Variants in CNTNAP2 observed in about 807,000 individuals in gnomAD.
CNTNAP2 encodes contactin associated protein 2, also known as contactin-associated protein-like 2.
CNTNAP2 carries 98 observed loss-of-function variants against 155.2 expected under a neutral mutation model. The observed-to-expected ratio is 0.63, with a 90% CI of 0.54 to 0.75. The LOEUF is 0.75. CNTNAP2 is among the 30% of genes least tolerant of loss of function. CNTNAP2 has a pLI of 0.00. For synonymous variants in CNTNAP2, 651 were observed against 631.2 expected (o/e 1.03, Z -0.47); for missense variants, 1,727 against 1,688.1 (o/e 1.02, Z -0.40).
intron 13 of CNTNAP2, among the ~76,000 whole-genome samples, chr7:147,865,155 A>G (rs13231176): frequency 0.58 from 88,107 of 151,932 alleles, 25,828 homozygotes; most frequent in South Asian, 0.69. Flanking sequence ...GAATTTTGTC[A>G]AAGGCCTTTT....
chr7:146,769,926 G>A (rs533223300), intron 1 of CNTNAP2, among the ~76,000 whole-genome samples: 8 of 152,190 alleles, frequency 5.3e-5, no homozygotes, highest in Middle Eastern at 3.4e-3. Flanking sequence ...TCTAACTCTT[G>A]GTGGTTAACA....
rs1222896779 is a variant in CNTNAP2 at position 147,498,561 on chromosome 7, T to C, written c.1777+12520T>C. Among the ~76,000 whole-genome samples the C allele has an allele frequency of 2.6e-5, 4 of 152,218 alleles. 1 individual carries two copies. In the South Asian group the frequency reaches 8.3e-4, roughly 31 times the overall value. ...TACAGAATGATGCATAGGGCAAAAA[T>C]AGTATAGAGGAGAAATTTATTGAGA... On this transcript the variant is annotated intron_variant, in intron 11 of 23. Coordinates refer to ENST00000361727, the MANE Select transcript of CNTNAP2 (RefSeq NM_014141.6).
intron 17 of CNTNAP2, among the ~76,000 whole-genome samples, chr7:148,158,512 A>G (rs1407497499): frequency 6.6e-6 from 1 of 152,134 alleles, no homozygotes; most frequent in Non-Finnish European, 1.5e-5. Flanking sequence ...TGAGCCACCA[A>G]GCCTGGACAA....
intron 13 of CNTNAP2, among the ~76,000 whole-genome samples, chr7:147,698,529 C>G (rs572713158): frequency 1.3e-5 from 2 of 152,304 alleles, no homozygotes; most frequent in South Asian, 4.1e-4. Flanking sequence ...TTAAGCTTTT[C>G]ATTTCACTGC....
intron 8 of CNTNAP2, among the ~76,000 whole-genome samples, chr7:147,231,701 C>A (rs189044537): frequency 2.0e-5 from 3 of 152,284 alleles, no homozygotes; most frequent in Admixed American, 2.0e-4. Context: ...AGCATCTCTT[C>A]ATATACCTGT....
At chr7:147,767,112 A>T (rs1797393359) in intron 13 of CNTNAP2, among the ~76,000 whole-genome samples, 1 of 152,124 alleles carries the variant, frequency 6.6e-6, no homozygotes, top group Admixed American at 6.6e-5. Context: ...ACTACATTTT[A>T]AAACAGTTGC....
At chr7:147,907,684 T>A (rs539034917) in intron 14 of CNTNAP2, among the ~76,000 whole-genome samples, 2 of 152,274 alleles carry the variant, frequency 1.3e-5, no homozygotes, top group Admixed American at 6.5e-5. Context: ...CTTGGCAAAT[T>A]TTTGTGATCA....
chr7:148,101,350 AGTGTGT>A (rs4015917), intron 15 of CNTNAP2, among the ~76,000 whole-genome samples: 5,263 of 144,236 alleles, frequency 0.036, 149 homozygotes, highest in African/African-American at 0.079. Flanking sequence ...TAAAAAGTTC[AGTGTGT>A]GTGTGTGTGT....
intron 9 of CNTNAP2, among the ~76,000 whole-genome samples, chr7:147,346,143 AT>A (rs1219413581): frequency 0.016 from 167 of 10,476 alleles, 2 homozygotes; most frequent in Admixed American, 0.028. Flanking sequence ...ATTTTATTTT[AT>A]TTTATTTTAT....
chr7:146,888,837 AGGGGAAGGGGAAAT>A (rs896623310), intron 3 of CNTNAP2, among the ~76,000 whole-genome samples: 14 of 152,080 alleles, frequency 9.2e-5, no homozygotes, highest in Non-Finnish European at 1.8e-4. Context: ...CCAGGGGATA[AGGGGAAGGGGAAAT>A]GGGGATATGA....
chr7:147,515,321 C>CTTTTTG (rs1554400628), intron 11 of CNTNAP2, among the ~76,000 whole-genome samples: 1 of 126,168 alleles, frequency 7.9e-6, no homozygotes, highest in African/African-American at 2.8e-5. Context: ...TCATTATATT[C>CTTTTTG]TTTTTTTGTT....
At chr7:146,947,080 G>A (rs1221320936) in intron 3 of CNTNAP2, among the ~76,000 whole-genome samples, 5 of 151,764 alleles carry the variant, frequency 3.3e-5, no homozygotes, top group African/African-American at 1.2e-4. Context: ...TGCCCAGGTT[G>A]GAGTGCAGTG....
intron 14 of CNTNAP2, among the ~76,000 whole-genome samples, chr7:147,921,854 G>A (rs1800286442): frequency 6.6e-6 from 1 of 152,166 alleles, no homozygotes; most frequent in Non-Finnish European, 1.5e-5. Flanking sequence ...AACATGTGTT[G>A]AGTACTTACT....
At chr7:146,850,385 G>C (rs1794855694) in intron 3 of CNTNAP2, among the ~76,000 whole-genome samples, 1 of 152,154 alleles carries the variant, frequency 6.6e-6, no homozygotes, top group African/African-American at 2.4e-5. Flanking sequence ...TATGCAGCTT[G>C]GAAGATGTCT....
chr7:146,962,823 T>C (rs1797582070), intron 3 of CNTNAP2: 1 of 152,288 alleles, frequency 6.6e-6, no homozygotes, highest in African/African-American at 2.4e-5. Flanking sequence ...AGTGCTGGCA[T>C]TACAGCATGA....
In CNTNAP2 at chr7:148,267,052, T is replaced by C; in HGVS notation, c.3401T>C (p.Val1134Ala). ...IFLKLDHYPSVSYHLPSSSDT... is the reference protein window; with the variant it reads ...IFLKLDHYPSASYHLPSSSDT... ...CTGCAGCTCGATCATTATCCTTCTG[T>C]GAGTTACCATCTGCCAAGTTCATCC... Residue 1134 changes from valine to alanine, a missense_variant, in exon 21 of 24, where the codon GTG becomes GCG. By Grantham distance (64) the Val-to-Ala change is moderately conservative. Coordinates refer to ENST00000361727, the MANE Select transcript of CNTNAP2 (RefSeq NM_014141.6). The C allele has an allele frequency of 6.2e-7, 1 of 1,612,578 alleles. No homozygotes were observed.
At chr7:147,952,697 C>T (rs1800956672) in intron 14 of CNTNAP2, among the ~76,000 whole-genome samples, 1 of 152,100 alleles carries the variant, frequency 6.6e-6, no homozygotes, top group Non-Finnish European at 1.5e-5. Flanking sequence ...TAAATATGCA[C>T]ATACACACAC....
At chr7:146,721,326 TAC>T (rs1255416931) in intron 1 of CNTNAP2, among the ~76,000 whole-genome samples, 1 of 129,722 alleles carries the variant, frequency 7.7e-6, no homozygotes, top group African/African-American at 2.9e-5. Flanking sequence ...ATTCTATATA[TAC>T]ATTCTATATA....
intron 15 of CNTNAP2, among the ~76,000 whole-genome samples, chr7:148,080,604 CAAA>C (rs199500286): frequency 4.3e-5 from 3 of 69,732 alleles, no homozygotes; most frequent in Admixed American, 1.6e-4. Flanking sequence ...GACTCCATCT[CAAA>C]AAAAAAAAAA....
Sources: allele counts gnomAD v4.1 joint callset (sites outside exome capture counted in the v4.1 genomes callset), GRCh38; gene constraint gnomAD v4.1.1; transcripts MANE v1.5; gene names NCBI Gene and HGNC (gene_info 2026-07-23, HGNC 2026-07-21).